IQSEC1: variants seen among roughly 807,000 people sequenced by gnomAD.
IQSEC1 encodes IQ motif and Sec7 domain ArfGEF 1.
Under a neutral mutation model 91.0 loss-of-function variants are expected in IQSEC1, and 31 were observed. That is an observed-to-expected ratio of 0.34 (90% confidence interval 0.26 to 0.46). The LOEUF is 0.46. Ranked by LOEUF, IQSEC1 falls within the 20% of genes least tolerant of loss-of-function variation. The pLI, the probability that IQSEC1 is intolerant of heterozygous loss-of-function variation, is 1.00. For missense variants in IQSEC1, 1,388 were observed against 1,575.6 expected (o/e 0.88, Z 2.02); for synonymous variants, 699 against 662.6 (o/e 1.05, Z -0.84).
At chr3:13,272,766 C>T (rs1410309947) in intron 1 of IQSEC1, among the ~76,000 whole-genome samples, 3 of 152,026 alleles carry the variant, frequency 2.0e-5, no homozygotes, top group Non-Finnish European at 2.9e-5. Flanking sequence ...CCTTTTTTGT[C>T]GGGGAGGCCC....
chr3:13,174,763 C>T (rs1228754911), intron 1 of IQSEC1, among the ~76,000 whole-genome samples: 1 of 152,136 alleles, frequency 6.6e-6, no homozygotes, highest in Non-Finnish European at 1.5e-5. Context: ...TCACAGCCCC[C>T]TCAGAGCTGC....
At chr3:13,057,296 C>A (rs1239794503) in intron 1 of IQSEC1, among the ~76,000 whole-genome samples, 2 of 152,194 alleles carry the variant, frequency 1.3e-5, no homozygotes, top group Admixed American at 6.5e-5. Context: ...GAGCCCCTGA[C>A]CTAAAACAGT....
chr3:13,001,966 G>A (rs560572381), intron 1 of IQSEC1, among the ~76,000 whole-genome samples: 1 of 152,300 alleles, frequency 6.6e-6, no homozygotes, highest in East Asian at 1.9e-4. Context: ...GGCTGAGGCA[G>A]GAGAATCACT....
intron 2 of IQSEC1, among the ~76,000 whole-genome samples, chr3:13,149,434 G>A (rs1017326175): frequency 6.6e-6 from 1 of 151,310 alleles, no homozygotes; most frequent in Non-Finnish European, 1.5e-5. Flanking sequence ...GGGGTGGGGG[G>A]GCGGACAGAG....
intron 1 of IQSEC1, among the ~76,000 whole-genome samples, chr3:13,265,593 C>T (rs3852030): frequency 0.13 from 19,765 of 152,144 alleles, 1,340 homozygotes; most frequent in East Asian, 0.17. Flanking sequence ...TGGGACAGTT[C>T]CTCCAGGTTA....
intron 3 of IQSEC1, among the ~76,000 whole-genome samples, chr3:12,934,897 T>G (rs1258218390): frequency 1.3e-5 from 2 of 150,350 alleles, no homozygotes; most frequent in Non-Finnish European, 3.0e-5. Context: ...TCTGTCTGAG[T>G]TCCTTCCATC....
chr3:13,062,410 G>A (rs777159460), intron 1 of IQSEC1, among the ~76,000 whole-genome samples: 1 of 152,192 alleles, frequency 6.6e-6, no homozygotes, highest in Non-Finnish European at 1.5e-5. Flanking sequence ...TACAGAAAAG[G>A]AAATAGGTTC....
chr3:13,029,194 A>G (rs1425876178), intron 1 of IQSEC1, among the ~76,000 whole-genome samples: 1 of 152,202 alleles, frequency 6.6e-6, no homozygotes, highest in East Asian at 1.9e-4. Flanking sequence ...CCATCAACAC[A>G]ACAAGAACGG....
Position 13,193,867 on chromosome 3 carries a change from C to T in IQSEC1, c.273-29734G>A, listed in dbSNP as rs1001915478. Among the ~76,000 whole-genome samples the T allele has an allele frequency of 6.6e-6, 1 of 152,198 alleles. No individual in the cohort carries two copies. The highest frequency in any genetic ancestry group is 1.5e-5 in the Non-Finnish European group (1 of 68,026). On this transcript the variant is annotated intron_variant, in intron 1 of 15. Transcript: ENST00000648114. This position sits in a 1 kb window ranked among gnomAD's most constrained non-coding sequence, Gnocchi z 4.2. Reference sequence around the variant, plus strand: ...CAGCTTCCAGTGTCCATCAGTCAACCGGGCTGACAAGGACCATGCCCTGGG... The same window carrying T: ...CAGCTTCCAGTGTCCATCAGTCAACTGGGCTGACAAGGACCATGCCCTGGG...
intron 2 of IQSEC1, among the ~76,000 whole-genome samples, chr3:13,085,853 G>A (rs1490016370): frequency 1.3e-5 from 2 of 152,346 alleles, no homozygotes; most frequent in Non-Finnish European, 1.5e-5. Context: ...CTTCCTGCGG[G>A]GAACACAGAC....
rs199708808 is a variant in IQSEC1 at position 12,924,746 on chromosome 3, G to T, written c.1569-4C>A. 2.4e-5 allele frequency: 38 copies of T among 1,561,304 alleles called. No homozygotes were observed. In the East Asian group the frequency reaches 8.0e-4, roughly 33 times the overall value. ...CTGGACTCCCTTCTCAGGCTTCCTGGGGTAGGACGAGAGGCACACTCAGTC... is the reference window on the plus strand; with the variant it reads ...CTGGACTCCCTTCTCAGGCTTCCTGTGGTAGGACGAGAGGCACACTCAGTC... On this transcript the variant is annotated splice_polypyrimidine_tract_variant and splice_region_variant and intron_variant, in intron 3 of 13. Coordinates refer to ENST00000613206, the MANE Select transcript of IQSEC1 (RefSeq NM_001134382.3). The surrounding 1 kb of genome is among the most constrained non-coding windows in gnomAD (Gnocchi z 6.3).
chr3:13,148,259 A>G (rs1706929292), intron 2 of IQSEC1, among the ~76,000 whole-genome samples: 1 of 152,240 alleles, frequency 6.6e-6, no homozygotes, highest in East Asian at 1.9e-4. Flanking sequence ...GACACTCATC[A>G]TCGCCATCCT....
chr3:13,042,889 A>G (rs1704337266), intron 1 of IQSEC1, among the ~76,000 whole-genome samples: 1 of 152,164 alleles, frequency 6.6e-6, no homozygotes, highest in Non-Finnish European at 1.5e-5. Flanking sequence ...AGGGGGCCAG[A>G]TGACAGGCAA....
intron 1 of IQSEC1, among the ~76,000 whole-genome samples, chr3:13,020,826 G>A (rs959751604): frequency 3.3e-5 from 5 of 152,088 alleles, no homozygotes; most frequent in Non-Finnish European, 4.4e-5. Context: ...GCACCACCAT[G>A]CCTGGCTTCT....
rs1348590310 is a variant in IQSEC1, at chr3:12,908,387, C to T, written c.2717G>A (p.Ser906Asn). 6 of 1,612,428 alleles carry T rather than the reference C, an allele frequency of 3.7e-6. No homozygotes were observed. The highest frequency in any genetic ancestry group is 5.1e-6 in the Non-Finnish European group (6 of 1,180,032). ...SYASGEGLKR[S>N]ALSSSLRDLS... ...GTCCCGCAGGGAGCTGCTGAGGGCG[C>T]TGCGCTTGAGGCCCTCACCGCTGGC... Residue 906 changes from serine to asparagine, a missense_variant, in exon 12 of 14, where the codon AGC (serine) becomes AAC (asparagine). Ser to Asn is a conservative substitution (Grantham distance 46). This residue lies in a region of IQSEC1 where 1,059 missense variants were observed against 1,317.8 expected (regional missense o/e 0.80). Coordinates refer to ENST00000613206, the MANE Select transcript of IQSEC1 (RefSeq NM_001134382.3). This position sits in a 1 kb window ranked among gnomAD's most constrained non-coding sequence, Gnocchi z 4.9.
chr3:13,137,465 C>T (rs1706730188), intron 2 of IQSEC1, among the ~76,000 whole-genome samples: 1 of 152,190 alleles, frequency 6.6e-6, no homozygotes, highest in Non-Finnish European at 1.5e-5. Flanking sequence ...TTCCATAAAA[C>T]TCATCAACAA....
chr3:12,930,995 C>T (rs1443122821), intron 3 of IQSEC1, among the ~76,000 whole-genome samples: 2 of 152,152 alleles, frequency 1.3e-5, no homozygotes, highest in Non-Finnish European at 2.9e-5. Context: ...CCAGCAAGCT[C>T]GCCACCTCCG....
In IQSEC1 at chr3:12,900,200, C is replaced by CAGTT. The variant is rs999326135; in HGVS notation, c.*779_*782dup. The stretch of plus-strand genomic sequence containing the variant: ...ACAAAGCAATACTGGACTTTTTAAA[C>CAGTT]AGTTAGATGCTATGTTACTTGGCAC... On this transcript the variant is annotated 3_prime_UTR_variant, in exon 14 of 14. Transcript: ENST00000613206. 3.4e-4 allele frequency: 333 copies of CAGTT among 979,120 alleles called. 1 individual carries two copies. The African/African-American group carries it at 5.4e-3, about 16-fold the overall frequency. The allele number at this position is 979,120 out of a possible 1,614,324, so 60.7% of individuals were successfully genotyped here.
At chr3:13,118,053 G>A (rs6798038) in intron 2 of IQSEC1, among the ~76,000 whole-genome samples, 1,744 of 152,256 alleles carry the variant, frequency 0.011, 41 homozygotes, top group African/African-American at 0.039. Context: ...TGTAGGTAGT[G>A]TTTGCTACAG....
Sources: allele counts gnomAD v4.1 joint callset (sites outside exome capture counted in the v4.1 genomes callset), GRCh38; gene constraint gnomAD v4.1.1; regional missense constraint gnomAD v4.1.1; non-coding constraint Gnocchi (gnomAD v3.1); transcripts MANE v1.5; gene names NCBI Gene and HGNC (gene_info 2026-07-23, HGNC 2026-07-21).